DLG2: variants seen among roughly 807,000 people sequenced by gnomAD.
The protein encoded by DLG2 is disks large homolog 2.
A neutral mutation model predicts 132.5 loss-of-function variants in DLG2; 45 were observed. The observed-to-expected ratio is 0.34, with a 90% CI of 0.27 to 0.44. The LOEUF (loss-of-function observed/expected upper bound fraction) is 0.44. Ranked by LOEUF, DLG2 falls within the 20% of genes least tolerant of loss-of-function variation. The pLI is 1.00. For missense variants in DLG2, 1,045 were observed against 1,196.9 expected, an observed-to-expected ratio of 0.87 and a Z score of 1.87; for synonymous variants, 424 against 419.6, an observed-to-expected ratio of 1.01 and a Z score of -0.13.
At chr11:85,428,072 G>A (rs1254106470) in intron 3 of DLG2, among the ~76,000 whole-genome samples, 2 of 152,162 alleles carry the variant, frequency 1.3e-5, no homozygotes, top group East Asian at 3.8e-4. Flanking sequence ...AACAAGAAGA[G>A]CTAACTATCC....
chr11:85,316,069 C>T (rs1309536821), intron 3 of DLG2, among the ~76,000 whole-genome samples: 1 of 151,942 alleles, frequency 6.6e-6, no homozygotes, highest in African/African-American at 2.4e-5. Context: ...TTACTGTTCA[C>T]CACTTATTAC....
chr11:84,349,169 A>C (rs997267699), intron 7 of DLG2, among the ~76,000 whole-genome samples: 1 of 152,184 alleles, frequency 6.6e-6, no homozygotes, highest in Non-Finnish European at 1.5e-5. Flanking sequence ...GGCTAAGTGC[A>C]TGATCTCAAT....
chr11:84,660,929 G>T (rs1286394821), intron 6 of DLG2, among the ~76,000 whole-genome samples: 1 of 152,094 alleles, frequency 6.6e-6, no homozygotes, highest in African/African-American at 2.4e-5. Flanking sequence ...CTGGCCTGAA[G>T]GACTCAACTT....
chr11:83,904,937 G>A (rs144205345), intron 15 of DLG2, among the ~76,000 whole-genome samples: 146 of 152,168 alleles, frequency 9.6e-4, no homozygotes, highest in African/African-American at 3.3e-3. Flanking sequence ...TCTTCTGTCC[G>A]TATCCAGTAC....
intron 6 of DLG2, among the ~76,000 whole-genome samples, chr11:85,015,705 C>T (rs1391645014): frequency 1.3e-5 from 2 of 152,034 alleles, no homozygotes; most frequent in African/African-American, 4.8e-5. Context: ...CTCATCATAC[C>T]GTGCCTGTTA....
intron 6 of DLG2, among the ~76,000 whole-genome samples, chr11:85,093,408 T>TA (rs1594058379): frequency 1.3e-5 from 2 of 152,128 alleles, no homozygotes; most frequent in East Asian, 3.9e-4. Context: ...ACACTCAGAC[T>TA]CACACACTAA....
intron 21 of DLG2, 31 bp from the exon 22 acceptor site, chr11:83,484,259 CAG>C (rs759164613): frequency 4.6e-5 from 69 of 1,494,010 alleles, no homozygotes; most frequent in East Asian, 1.4e-4. Context: ...GGGGCAAAAA[CAG>C]GGGACGTCTA....
intron 3 of DLG2, among the ~76,000 whole-genome samples, chr11:85,294,635 G>C (rs1188259112): frequency 6.6e-6 from 1 of 152,092 alleles, no homozygotes; most frequent in African/African-American, 2.4e-5. Context: ...ATAAAACATA[G>C]TAAATGGTAG....
At chr11:85,174,793 A>G (rs2079104966) in intron 4 of DLG2, among the ~76,000 whole-genome samples, 1 of 152,152 alleles carries the variant, frequency 6.6e-6, no homozygotes, top group African/African-American at 2.4e-5. Context: ...ATCACCGCTG[A>G]CCCCATAGAA....
chr11:83,707,454 G>A (rs1190514970), intron 18 of DLG2, among the ~76,000 whole-genome samples: 1 of 152,202 alleles, frequency 6.6e-6, no homozygotes, highest in Admixed American at 6.5e-5. Flanking sequence ...CAGATCACCT[G>A]AGGTCAGGAG....
intron 19 of DLG2, among the ~76,000 whole-genome samples, chr11:83,618,189 C>A (rs2061119679): frequency 6.6e-6 from 1 of 151,928 alleles, no homozygotes; most frequent in Non-Finnish European, 1.5e-5. Context: ...TCTTTCATTT[C>A]TGTAATAAAT....
At chr11:83,764,616 A>C (rs982991938) in intron 18 of DLG2, among the ~76,000 whole-genome samples, 1 of 152,232 alleles carries the variant, frequency 6.6e-6, no homozygotes, top group African/African-American at 2.4e-5. Flanking sequence ...CTTAATCTTC[A>C]AAATTATCTT....
intron 3 of DLG2, among the ~76,000 whole-genome samples, chr11:85,461,737 C>T (rs2092621391): frequency 6.6e-6 from 1 of 152,148 alleles, no homozygotes; most frequent in Non-Finnish European, 1.5e-5. Flanking sequence ...GTCAATCTAG[C>T]ATGTAGTGAA....
intron 6 of DLG2, among the ~76,000 whole-genome samples, chr11:84,777,679 T>G (rs1484844651): frequency 6.6e-6 from 1 of 152,092 alleles, no homozygotes; most frequent in Non-Finnish European, 1.5e-5. Context: ...GGGTAAGATA[T>G]CTCACTGTGG....
At chr11:85,012,478 C>G (rs1358486993) in intron 6 of DLG2, among the ~76,000 whole-genome samples, 1 of 151,580 alleles carries the variant, frequency 6.6e-6, no homozygotes, top group Non-Finnish European at 1.5e-5. Flanking sequence ...GAGCTGAGAT[C>G]GCGCCATTGC....
chr11:83,948,052 G>A (rs568611055), intron 14 of DLG2, among the ~76,000 whole-genome samples: 1 of 152,228 alleles, frequency 6.6e-6, no homozygotes, highest in African/African-American at 2.4e-5. Context: ...TTCAGAGCAA[G>A]GCTTCACAAA....
chr11:84,550,689 A>C (rs2099400139), intron 6 of DLG2, among the ~76,000 whole-genome samples: 1 of 152,178 alleles, frequency 6.6e-6, no homozygotes, highest in African/African-American at 2.4e-5. Context: ...CGATTGGCAT[A>C]TATATCCTCT....
chr11:83,800,554 T>C (rs1339796484), intron 17 of DLG2, among the ~76,000 whole-genome samples: 1 of 152,224 alleles, frequency 6.6e-6, no homozygotes, highest in Admixed American at 6.5e-5. Flanking sequence ...ACTAGAATCC[T>C]TCTGGAGCAG....
chr11:85,446,085 T>G (rs886088777), intron 3 of DLG2, among the ~76,000 whole-genome samples: 22 of 152,214 alleles, frequency 1.4e-4, no homozygotes, highest in African/African-American at 5.3e-4. Context: ...AAATTTTACC[T>G]TACAAACCAT....
Sources: allele counts gnomAD v4.1 joint callset (sites outside exome capture counted in the v4.1 genomes callset), GRCh38; gene constraint gnomAD v4.1.1; transcripts MANE v1.5; gene names NCBI Gene and HGNC (gene_info 2026-07-23, HGNC 2026-07-21).